Variants in ACAP2 observed in about 807,000 individuals in gnomAD.
The protein encoded by ACAP2 is arf-GAP with coiled-coil, ANK repeat and PH domain-containing protein 2.
A neutral mutation model predicts 115.8 loss-of-function variants in ACAP2; 39 were observed. The ratio of observed to expected loss-of-function variants is 0.34; its 90% CI spans 0.26 to 0.44. ACAP2 has a LOEUF of 0.44. ACAP2 is among the 20% of genes least tolerant of loss of function. The pLI, the probability that ACAP2 is intolerant of heterozygous loss-of-function variation, is 1.00. For missense variants in ACAP2, 662 were observed against 927.6 expected (o/e 0.71, Z 3.72); for synonymous variants, 289 against 315.8 (o/e 0.92, Z 0.90).
intron 9 of ACAP2, among the ~76,000 whole-genome samples, chr3:195,321,476 A>C (rs982180092): frequency 6.6e-6 from 1 of 151,864 alleles, no homozygotes; most frequent in African/African-American, 2.4e-5. Context: ...AGTCTCCCAA[A>C]GTGCTGGGAT....
intron 4 of ACAP2, among the ~76,000 whole-genome samples, chr3:195,367,004 A>G (rs2108714733): frequency 6.7e-6 from 1 of 149,546 alleles, no homozygotes; most frequent in South Asian, 2.2e-4. Flanking sequence ...CAGAAACAGA[A>G]GAGCATAGCT....
chr3:195,427,980 C>CAT (rs756444439), intron 1 of ACAP2, among the ~76,000 whole-genome samples: 143 of 136,360 alleles, frequency 1.0e-3, no homozygotes, highest in East Asian at 2.5e-3. Context: ...CACACAGATG[C>CAT]ATATATATAT....
chr3:195,364,003 T>G (rs971173539), intron 4 of ACAP2, among the ~76,000 whole-genome samples: 2 of 152,104 alleles, frequency 1.3e-5, no homozygotes, highest in Non-Finnish European at 2.9e-5. Flanking sequence ...ATGAAACTAC[T>G]AAAAGAAAAC....
At chr3:195,368,641 C>T (rs1385764077) in intron 4 of ACAP2, among the ~76,000 whole-genome samples, 3 of 152,156 alleles carry the variant, frequency 2.0e-5, no homozygotes, top group Middle Eastern at 3.2e-3. Flanking sequence ...TTTAGTATTA[C>T]AGATTCTTAT....
chr3:195,286,094 A>G (rs1303269617), intron 21 of ACAP2, among the ~76,000 whole-genome samples: 2 of 152,234 alleles, frequency 1.3e-5, no homozygotes, highest in African/African-American at 4.8e-5. Context: ...TTTTAGCTGT[A>G]CTGCAGCAGC....
chr3:195,289,327 C>A, intron 20 of ACAP2, 96 bp from the exon 21 acceptor site: 1 of 807,986 alleles, frequency 1.2e-6, no homozygotes, highest in Non-Finnish European at 2.0e-6. Context: ...GTAACATTTT[C>A]ATTAGGAAAT....
chr3:195,420,790 G>A (rs1041104122), intron 1 of ACAP2, among the ~76,000 whole-genome samples: 2 of 151,952 alleles, frequency 1.3e-5, no homozygotes, highest in African/African-American at 4.8e-5. Flanking sequence ...TTACGGGCAC[G>A]AGCCACCATG....
chr3:195,351,485 T>TGTGTGTGA (rs1491392616), intron 4 of ACAP2, among the ~76,000 whole-genome samples: 2 of 128,370 alleles, frequency 1.6e-5, no homozygotes, highest in Admixed American at 8.4e-5. Context: ...TGTGTGTGTG[T>TGTGTGTGA]GACGGAGTCT....
intron 5 of ACAP2, among the ~76,000 whole-genome samples, chr3:195,343,288 G>A (rs866108098): frequency 9.9e-5 from 15 of 152,260 alleles, no homozygotes; most frequent in Middle Eastern, 6.8e-3. Flanking sequence ...TTAAACGGTA[G>A]TATACATAAG....
chr3:195,441,019 T>C (rs1464566133), intron 1 of ACAP2, among the ~76,000 whole-genome samples: 1 of 152,134 alleles, frequency 6.6e-6, no homozygotes, highest in African/African-American at 2.4e-5. Context: ...AATCAGTATG[T>C]TGCCCTCTTA....
At chr3:195,420,994 T>C (rs778473907) in intron 1 of ACAP2, among the ~76,000 whole-genome samples, 5 of 152,164 alleles carry the variant, frequency 3.3e-5, no homozygotes, top group Non-Finnish European at 7.3e-5. Context: ...GAATAAGGAA[T>C]AGGGTTATAG....
intron 4 of ACAP2, among the ~76,000 whole-genome samples, chr3:195,345,729 A>G (rs1731150509): frequency 6.6e-6 from 1 of 152,210 alleles, no homozygotes; most frequent in Admixed American, 6.5e-5. Flanking sequence ...CATATACCTT[A>G]GTTGAGGTAG....
intron 6 of ACAP2, among the ~76,000 whole-genome samples, chr3:195,341,060 T>G (rs984973668): frequency 2.6e-5 from 4 of 152,192 alleles, no homozygotes; most frequent in Non-Finnish European, 4.4e-5. Flanking sequence ...GTAAACAATC[T>G]CTGAGGACAA....
At chr3:195,387,142 C>G (rs141949726) in intron 2 of ACAP2, among the ~76,000 whole-genome samples, 65 of 152,274 alleles carry the variant, frequency 4.3e-4, no homozygotes, top group African/African-American at 1.5e-3. Flanking sequence ...AGAGAGAAGA[C>G]TGAGATTTTG....
chr3:195,408,661 G>A (rs953679709), intron 1 of ACAP2, among the ~76,000 whole-genome samples: 1 of 152,008 alleles, frequency 6.6e-6, no homozygotes, highest in Non-Finnish European at 1.5e-5. Flanking sequence ...GAAAACTATG[G>A]AACAATATCC....
chr3:195,308,629 T>C (rs926858901), intron 11 of ACAP2, among the ~76,000 whole-genome samples, 157 bp downstream of exon 11: 2 of 152,176 alleles, frequency 1.3e-5, no homozygotes, highest in African/African-American at 4.8e-5. Flanking sequence ...TGTTGATATT[T>C]TCCACCCTAG....
rs141767998 is a variant in ACAP2 at position 195,285,895 on chromosome 3, A to G, written c.2175-38T>C. On this transcript the variant is annotated intron_variant, in intron 21 of 22. Coordinates refer to ENST00000326793, the MANE Select transcript of ACAP2 (RefSeq NM_012287.6). ...AAAATAGTGTTTTAGATGACATTAT[A>G]TAATATAAATGTCATAAATAAAGTC... The G allele has an allele frequency of 8.7e-5, 124 of 1,419,036 alleles. No individual in the cohort carries two copies. In the African/African-American group the frequency reaches 1.4e-3, roughly 16 times the overall value. 87.9% of individuals were successfully genotyped at this position (1,419,036 alleles called of 1,614,324 possible).
intron 4 of ACAP2, among the ~76,000 whole-genome samples, chr3:195,361,428 T>C (rs557150885): frequency 1.2e-4 from 17 of 143,872 alleles, no homozygotes; most frequent in Non-Finnish European, 1.8e-4. Context: ...AGAGCAAGAC[T>C]CTGTCTCAAA....
At chr3:195,378,206 A>G (rs1733694210) in intron 4 of ACAP2, among the ~76,000 whole-genome samples, 1 of 151,766 alleles carries the variant, frequency 6.6e-6, no homozygotes, top group Non-Finnish European at 1.5e-5. Context: ...AAAAAGACCA[A>G]TCTCAGCTGG....
Sources: gnomAD v4.1 joint callset for allele counts (sites outside exome capture counted in the v4.1 genomes callset) on GRCh38, gnomAD v4.1.1 for gene constraint, MANE v1.5 for transcripts, NCBI Gene and HGNC (gene_info 2026-07-23, HGNC 2026-07-21) for gene names.